TRIM38: variants seen among roughly 807,000 people sequenced by gnomAD.
The protein encoded by TRIM38 is E3 ubiquitin-protein ligase TRIM38.
In TRIM38, 35 loss-of-function variants were observed where a neutral mutation model predicts 35.8. The ratio of observed to expected loss-of-function variants is 0.98; its 90% CI spans 0.75 to 1.30. The LOEUF (loss-of-function observed/expected upper bound fraction) is 1.30, where lower values mean the gene tolerates loss of function less well. TRIM38 is among the 50% of genes most tolerant of loss of function. The pLI, the probability that TRIM38 is intolerant of heterozygous loss-of-function variation, is 0.00. For synonymous variants in TRIM38, 198 were observed against 204.7 expected (o/e 0.97, Z 0.28); for missense variants, 545 against 556.9 (o/e 0.98, Z 0.21).
intron 7 of TRIM38, 78 bp from the exon 8 acceptor site, chr6:25,983,086 C>G: frequency 2.1e-6 from 3 of 1,434,366 alleles, no homozygotes; most frequent in Non-Finnish European, 1.9e-6. Flanking sequence ...CACTCCATCT[C>G]AAAATAAAAT....
chr6:25,980,932 A>C (rs1760526145), intron 7 of TRIM38, among the ~76,000 whole-genome samples: 1 of 152,164 alleles, frequency 6.6e-6, no homozygotes, highest in Non-Finnish European at 1.5e-5. Flanking sequence ...ATTTCTCAAC[A>C]TGGGTTTTCC....
chr6:25,983,303 T>G lies in TRIM38; in HGVS notation c.1014T>G (p.Gly338=), dbSNP rs1342984348. The change falls in exon 8 of 8, where the codon GGT becomes GGG. Residue 338 remains glycine (G), a synonymous_variant. Coordinates refer to ENST00000357085, the MANE Select transcript of TRIM38 (RefSeq NM_006355.5). ...RRFTAFPCVL[G]CEGFTSGRRY... ...TTACTGCCTTCCCCTGTGTCTTGGG[T>G]TGTGAAGGCTTCACCTCAGGAAGAC... 6.2e-7 allele frequency: 1 copy of G among 1,614,126 alleles called. No homozygotes were observed. Among genetic ancestry groups the G allele is most frequent in the Non-Finnish European group, 8.5e-7 (1 of 1,180,014 alleles).
At chr6:25,965,057 C>T (rs1280215579) in intron 2 of TRIM38, among the ~76,000 whole-genome samples, 1 of 152,156 alleles carries the variant, frequency 6.6e-6, no homozygotes, top group Non-Finnish European at 1.5e-5. Context: ...AGGTGATCTG[C>T]CCGCCTCGGC....
chr6:25,983,855 CA>C lies in TRIM38; in HGVS notation c.*170del. On this transcript the variant is annotated 3_prime_UTR_variant, in exon 8 of 8. Transcript: ENST00000357085. ...ATTTATGTTGAATATATGGACTTAG[CA>C]ACTAAAAATACCACAGATGGTTAAC... The C allele has an allele frequency of 1.6e-6, 1 of 627,624 alleles. No individual in the cohort carries two copies. Among genetic ancestry groups the C allele is most frequent in the Non-Finnish European group, 2.6e-6 (1 of 385,626 alleles). The allele number at this position is 627,624 out of a possible 1,614,324, so 38.9% of individuals were successfully genotyped here. A position where few individuals can be genotyped will look rare whatever the true frequency, so the allele number is the denominator to read the frequency against.
At chr6:25,968,778 T>C (rs1760137878) in intron 3 of TRIM38, among the ~76,000 whole-genome samples, 2 of 152,232 alleles carry the variant, frequency 1.3e-5, no homozygotes, top group South Asian at 2.1e-4. Flanking sequence ...GATACCATTG[T>C]TCAAAAGATA....
chr6:25,987,164 C>T lies in TRIM38; in HGVS notation c.*3477C>T, dbSNP rs934741576. 6.6e-6 allele frequency: 1 copy of T among 151,520 alleles called. No individual in the cohort carries two copies. Among genetic ancestry groups the T allele is most frequent in the Non-Finnish European group, 1.5e-5 (1 of 67,938 alleles). 9.4% of individuals were successfully genotyped at this position (151,520 alleles called of 1,614,324 possible). On this transcript the variant is annotated 3_prime_UTR_variant, in exon 8 of 8. Transcript: ENST00000357085. ...TAGTCAATGACCAAAAAAGAAAAGC[C>T]TACAAACTCATTGATATAAAAGCTT...
At chr6:25,981,992 G>A (rs555172267) in intron 7 of TRIM38, among the ~76,000 whole-genome samples, 37 of 152,308 alleles carry the variant, frequency 2.4e-4, no homozygotes, top group South Asian at 2.1e-4. Context: ...GCTGAAGCAG[G>A]ACTGGCTTGT....
chr6:25,982,583 C>T (rs1760575839), intron 7 of TRIM38, among the ~76,000 whole-genome samples: 1 of 152,178 alleles, frequency 6.6e-6, no homozygotes, highest in Admixed American at 6.5e-5. Flanking sequence ...ACAACTACCA[C>T]TTATTAGGTG....
chr6:25,983,376 G>A lies in TRIM38; in HGVS notation c.1087G>A (p.Val363Ile), dbSNP rs769693795. The change falls in exon 8 of 8, where the codon GTT (valine) becomes ATT (isoleucine). Residue 363 changes from valine to isoleucine, a missense_variant. Transcript: ENST00000357085. ...CGAAGGAACCGGATGGGATTTAGGAGTTTGTATGGAAAATGTGCAGAGGGG... is the reference window on the plus strand; with the variant it reads ...CGAAGGAACCGGATGGGATTTAGGAATTTGTATGGAAAATGTGCAGAGGGG... ...VGEGTGWDLGVCMENVQRGTG... is the reference protein window; with the variant it reads ...VGEGTGWDLGICMENVQRGTG... 7.4e-6 allele frequency: 12 copies of A among 1,614,064 alleles called. No individual in the cohort carries two copies. The Admixed American group carries it at 2.0e-4, about 27-fold the overall frequency.
rs1386651315 is a variant in TRIM38 at position 25,989,836 on chromosome 6, C to A, written c.*6149C>A. ...AAAATTTAAGACATTTTATAACTGG[C>A]CAAATTTACTAGCTTAGATACTATT... is the stretch of plus-strand genomic sequence containing the variant. On this transcript the variant is annotated 3_prime_UTR_variant, in exon 8 of 8. Transcript: ENST00000357085. 1 of 151,676 alleles carries A rather than the reference C, an allele frequency of 6.6e-6. No individual in the cohort carries two copies. Among genetic ancestry groups the A allele is most frequent in the Non-Finnish European group, 1.5e-5 (1 of 67,958 alleles). 9.4% of individuals were successfully genotyped at this position (151,676 alleles called of 1,614,324 possible). A position where few individuals can be genotyped will look rare whatever the true frequency, so the allele number is the denominator to read the frequency against.
At chr6:25,967,735 C>G (rs774959966) in intron 3 of TRIM38, among the ~76,000 whole-genome samples, 1 of 151,736 alleles carries the variant, frequency 6.6e-6, no homozygotes, top group Non-Finnish European at 1.5e-5. Context: ...CATGGTCTGC[C>G]TTTCTTGCTT....
At position 25,987,209 on chromosome 6, in the gene TRIM38, C is replaced by T. The variant is rs1016552636; in HGVS notation, c.*3522C>T. ...AAGCTTAACAAAGGTACTCCCCGCC[C>T]CCCGCCCGCCACACACCATCCCCAA... On this transcript the variant is annotated 3_prime_UTR_variant, in exon 8 of 8. Transcript: ENST00000357085. The T allele has an allele frequency of 1.8e-4, 16 of 88,304 alleles. No homozygotes were observed. The highest frequency in any genetic ancestry group is 2.9e-4 in the African/African-American group (8 of 27,312). The allele number at this position is 88,304 out of a possible 1,614,324, so 5.5% of individuals were successfully genotyped here.
chr6:25,972,557 T>A (rs1760270173), intron 5 of TRIM38, among the ~76,000 whole-genome samples: 1 of 152,214 alleles, frequency 6.6e-6, no homozygotes, highest in African/African-American at 2.4e-5. Flanking sequence ...ACAGGATTGG[T>A]GACTATACTG....
chr6:25,971,501 G>A (rs1347756532), intron 4 of TRIM38, among the ~76,000 whole-genome samples: 1 of 152,166 alleles, frequency 6.6e-6, no homozygotes, highest in Non-Finnish European at 1.5e-5. Context: ...AGAATTAAGT[G>A]CTTTTACATT....
At chr6:25,969,036 C>T (rs1257951515) in intron 3 of TRIM38, among the ~76,000 whole-genome samples, 1 of 152,218 alleles carries the variant, frequency 6.6e-6, no homozygotes. Flanking sequence ...AATTGTTGCT[C>T]CACCACCTGG....
In TRIM38 at chr6:25,989,510, C is replaced by CTTTT. The variant is rs59539108; in HGVS notation, c.*5844_*5847dup. ...GCTATTGTTAGCAAGGTCTTGTATT[C>CTTTT]TTTTTTTTTTTTTTTTTTTTTTTTA... On this transcript the variant is annotated 3_prime_UTR_variant, in exon 8 of 8. Transcript: ENST00000357085. 2.0e-4 allele frequency: 19 copies of CTTTT among 93,716 alleles called. No individual in the cohort carries two copies. Among genetic ancestry groups the CTTTT allele is most frequent in the Non-Finnish European group, 2.8e-4 (13 of 45,630 alleles). 5.8% of individuals were successfully genotyped at this position (93,716 alleles called of 1,614,324 possible). A position where few individuals can be genotyped will look rare whatever the true frequency, so the allele number is the denominator to read the frequency against.
chr6:25,983,146 T>A lies in TRIM38; in HGVS notation c.875-18T>A. ...ACAGCAACAAAATTATTTTTGTTTG[T>A]TTTGTTTTGTTTTGCAGTTAGTGTG... is the stretch of plus-strand genomic sequence containing the variant. On this transcript the variant is annotated intron_variant, in intron 7 of 7. Transcript: ENST00000357085. The A allele has an allele frequency of 1.3e-6, 2 of 1,534,508 alleles. No homozygotes were observed. The highest frequency in any genetic ancestry group is 1.8e-6 in the Non-Finnish European group (2 of 1,141,738).
chr6:25,983,288 C>T lies in TRIM38; in HGVS notation c.999C>T (p.Phe333=). 4 of 1,614,136 alleles carry T rather than the reference C, an allele frequency of 2.5e-6. No homozygotes were observed. The highest frequency in any genetic ancestry group is 3.4e-6 in the Non-Finnish European group (4 of 1,180,018). Residue 333 remains phenylalanine (F), a synonymous_variant, in exon 8 of 8, where the codon TTC becomes TTT. Transcript: ENST00000357085. ...CATCTTCCAGGAGATTTACTGCCTT[C>T]CCCTGTGTCTTGGGTTGTGAAGGCT... ...QDTSSRRFTA[F]PCVLGCEGFT... is the part of the protein sequence containing the mutation.
chr6:25,972,984 A>G, intron 5 of TRIM38, 70 bp from the exon 6 acceptor site: 1 of 1,597,628 alleles, frequency 6.3e-7, no homozygotes, highest in Admixed American at 1.7e-5. Context: ...AAAGAAGAAT[A>G]GCCCTGCATG....
Sources: gnomAD v4.1 joint callset for allele counts (sites outside exome capture counted in the v4.1 genomes callset) on GRCh38, gnomAD v4.1.1 for gene constraint, MANE v1.5 for transcripts, NCBI Gene and HGNC (gene_info 2026-07-23, HGNC 2026-07-21) for gene names.